Variants in SPACA9 observed in about 807,000 individuals in gnomAD.
SPACA9 encodes sperm acrosome-associated protein 9.
SPACA9 carries 14 observed loss-of-function variants against 12.5 expected under a neutral mutation model. The ratio of observed to expected loss-of-function variants is 1.12; its 90% CI spans 0.74 to 1.75. The LOEUF is 1.75. Ranked by LOEUF, SPACA9 falls within the 40% of genes most tolerant of loss-of-function variation. The probability of loss-of-function intolerance (pLI) is 0.00; values close to 1 mark genes in which losing one functional copy is unlikely to be tolerated. For synonymous variants in SPACA9, 111 were observed against 114.1 expected (o/e 0.97, Z 0.17); for missense variants, 292 against 291.9 (o/e 1.00, Z 0.00).
In SPACA9 at chr9:132,886,681, G is replaced by A. The variant is rs576147938; in HGVS notation, c.145-688G>A. Among the ~76,000 whole-genome samples, 4 of 152,296 alleles carry A rather than the reference G, an allele frequency of 2.6e-5. No homozygotes were observed. The South Asian group carries it at 8.3e-4, about 32-fold the overall frequency. ...ATCTGTAAAATGGGAATTTAAAAAG[G>A]TACCTGCTCAGTGTGTAGGGTTTAG... On this transcript the variant is annotated intron_variant, in intron 2 of 3. Transcript: ENST00000356311.
chr9:132,888,420 C>T lies in SPACA9; in HGVS notation c.478C>T (p.Arg160Cys), dbSNP rs774170349. Residue 160 changes from arginine (R) to cysteine (C), a missense_variant, in exon 4 of 4, where the codon CGC (arginine) becomes TGC (cysteine). By Grantham distance (180) the Arg-to-Cys change is radical. Transcript: ENST00000356311. The surrounding 1 kb of genome is among the most constrained non-coding windows in gnomAD (Gnocchi z 5.0). ...GATCGCCCACTCCGAGAAGTTGCCGCGCAAGGTGCTGCAGCACGTGAGTGA... is the reference window on the plus strand; with the variant it reads ...GATCGCCCACTCCGAGAAGTTGCCGTGCAAGGTGCTGCAGCACGTGAGTGA... Reference protein sequence around the residue: ...EWIAHSEKLPRKVLQHVSEPQ... With the variant: ...EWIAHSEKLPCKVLQHVSEPQ... The T allele has an allele frequency of 2.7e-5, 44 of 1,613,772 alleles. No homozygotes were observed. Among genetic ancestry groups the T allele is most frequent in the South Asian group, 2.3e-4 (21 of 91,082 alleles).
downstream of SPACA9, chr9:132,890,240 G>C (rs1844715046): frequency 1.0e-5 from 3 of 299,246 alleles, no homozygotes; most frequent in South Asian, 4.5e-4. Flanking sequence ...TCCAAGGATG[G>C]GAAGTCTAGT....
chr9:132,889,203 T>G lies in SPACA9; in HGVS notation c.*592T>G. 2 of 986,420 alleles carry G rather than the reference T, an allele frequency of 2.0e-6. No homozygotes were observed. The highest frequency in any genetic ancestry group is 2.4e-6 in the Non-Finnish European group (2 of 830,674). The allele number at this position is 986,420 out of a possible 1,614,324, so 61.1% of individuals were successfully genotyped here. On this transcript the variant is annotated 3_prime_UTR_variant, in exon 4 of 4. Transcript: ENST00000356311. ...CCCAGGAGGGCACTGAACTGTCACC[T>G]AGGTCCTCTTTGAGCCACATCCGGC... is the stretch of plus-strand genomic sequence containing the variant.
intron 1 of SPACA9, among the ~76,000 whole-genome samples, chr9:132,882,315 G>T (rs950555362): frequency 6.6e-6 from 1 of 152,264 alleles, no homozygotes; most frequent in East Asian, 1.9e-4. Context: ...TTGCTAAAGG[G>T]CCTCTTCCCC....
At chr9:132,890,042 C>G (rs1472241959), downstream of SPACA9, 7 of 1,387,984 alleles carry the variant, frequency 5.0e-6, no homozygotes, top group Non-Finnish European at 6.6e-6. Flanking sequence ...CTCTGCCTGA[C>G]TTGGTTTCCT....
rs781537751 is a variant in SPACA9, at chr9:132,887,592, T to C, written c.347+21T>C. ...GCAAAGTAAGTCCCTCTGATGCTGC[T>C]CTTGAGGCCCCGTGTGTGCCTGTGG... On this transcript the variant is annotated intron_variant, in intron 3 of 3. Transcript: ENST00000356311. The surrounding 1 kb of genome is among the most constrained non-coding windows in gnomAD (Gnocchi z 5.4). 6 of 1,603,596 alleles carry C rather than the reference T, an allele frequency of 3.7e-6. No homozygotes were observed. The highest frequency in any genetic ancestry group is 5.1e-6 in the Non-Finnish European group (6 of 1,171,246).
Position 132,887,617 on chromosome 9 carries a change from G to A in SPACA9, c.347+46G>A. The A allele has an allele frequency of 6.5e-7, 1 of 1,533,100 alleles. No individual in the cohort carries two copies. The highest frequency in any genetic ancestry group is 9.0e-7 in the Non-Finnish European group (1 of 1,109,014). The allele number at this position is 1,533,100 out of a possible 1,614,324, so 95.0% of individuals were successfully genotyped here. A position where few individuals can be genotyped will look rare whatever the true frequency, so the allele number is the denominator to read the frequency against. On this transcript the variant is annotated intron_variant, in intron 3 of 3. Transcript: ENST00000356311. This position sits in a 1 kb window ranked among gnomAD's most constrained non-coding sequence, Gnocchi z 5.4. ...TCTTGAGGCCCCGTGTGTGCCTGTGGGGAGGCCTCTGTCCTGCTTCTTTCC... is the reference window on the plus strand; with the variant it reads ...TCTTGAGGCCCCGTGTGTGCCTGTGAGGAGGCCTCTGTCCTGCTTCTTTCC...
intron 1 of SPACA9, among the ~76,000 whole-genome samples, chr9:132,881,688 G>T (rs1452222623): frequency 4.0e-5 from 6 of 150,732 alleles, no homozygotes; most frequent in Non-Finnish European, 5.9e-5. Flanking sequence ...TTGAGACAGG[G>T]TCTCACTGTG....
rs1360987287 is a variant in SPACA9 at position 132,883,993 on chromosome 9, A to G, written c.46A>G (p.Lys16Glu). 1 of 1,614,210 alleles carries G rather than the reference A, an allele frequency of 6.2e-7. No individual in the cohort carries two copies. Among genetic ancestry groups the G allele is most frequent in the East Asian group, 2.2e-5 (1 of 44,878 alleles). ...ESLRSIEQKY[K>E]LFQQQQLTFT... ...CCTTCGCAGCATCGAGCAGAAGTACAAGCTCTTCCAGCAGCAGCAGCTCAC... is the reference window on the plus strand; with the variant it reads ...CCTTCGCAGCATCGAGCAGAAGTACGAGCTCTTCCAGCAGCAGCAGCTCAC... The change falls in exon 2 of 4, where the codon AAG becomes GAG. Residue 16 changes from lysine (K) to glutamate (E), a missense_variant. Physicochemically the swap from Lys to Glu is moderately conservative, Grantham distance 56. Coordinates refer to ENST00000356311, the MANE Select transcript of SPACA9 (RefSeq NM_001316897.2).
At chr9:132,886,517 G>A (rs914884104) in intron 2 of SPACA9, among the ~76,000 whole-genome samples, 5 of 152,208 alleles carry the variant, frequency 3.3e-5, no homozygotes, top group Non-Finnish European at 4.4e-5. Flanking sequence ...TGCTTTAGGC[G>A]GTGGTTGGTT....
chr9:132,888,471 A>T lies in SPACA9; in HGVS notation c.529A>T (p.Arg177Trp), dbSNP rs2131496876. The change falls in exon 4 of 4, where the codon AGG becomes TGG. Residue 177 changes from arginine to tryptophan, a missense_variant. By Grantham distance (101) the Arg-to-Trp change is moderately radical. Transcript: ENST00000356311. The surrounding 1 kb of genome is among the most constrained non-coding windows in gnomAD (Gnocchi z 5.0). ...GCCCCAGGCGCACCAGGAGAGCACCAGGGGAGCCGCTCGTCCTGCCCAGGC... is the reference window on the plus strand; with the variant it reads ...GCCCCAGGCGCACCAGGAGAGCACCTGGGGAGCCGCTCGTCCTGCCCAGGC... Reference protein sequence around the residue: ...SEPQAHQESTRGAARPAQAIG... With the variant: ...SEPQAHQESTWGAARPAQAIG... 6.2e-7 allele frequency: 1 copy of T among 1,610,888 alleles called. No individual in the cohort carries two copies. The highest frequency in any genetic ancestry group is 8.5e-7 in the Non-Finnish European group (1 of 1,178,940).
chr9:132,885,746 C>A (rs1006553234), intron 2 of SPACA9, among the ~76,000 whole-genome samples: 3 of 152,190 alleles, frequency 2.0e-5, no homozygotes, highest in African/African-American at 7.2e-5. Context: ...CTTCAAAAGT[C>A]AACAAGTGTC....
chr9:132,885,697 A>G (rs184351851), intron 2 of SPACA9, among the ~76,000 whole-genome samples: 1 of 152,288 alleles, frequency 6.6e-6, no homozygotes, highest in Non-Finnish European at 1.5e-5. Context: ...AAAAAAGAAA[A>G]GAAACTGCCT....
chr9:132,887,036 T>C lies in SPACA9; in HGVS notation c.145-333T>C, dbSNP rs1306062754. ...CATGTTGACCAGGCTGGTCTCGAAC[T>C]CCTGACCTCAAGTGATCCCCGCCCA... On this transcript the variant is annotated intron_variant, in intron 2 of 3. Coordinates refer to ENST00000356311, the MANE Select transcript of SPACA9 (RefSeq NM_001316897.2). This position sits in a 1 kb window ranked among gnomAD's most constrained non-coding sequence, Gnocchi z 5.4. Among the ~76,000 whole-genome samples the C allele has an allele frequency of 2.0e-5, 3 of 152,002 alleles. No homozygotes were observed. The highest frequency in any genetic ancestry group is 6.5e-5 in the Admixed American group (1 of 15,278).
chr9:132,885,296 C>CT (rs988504111), intron 2 of SPACA9, among the ~76,000 whole-genome samples: 1 of 151,796 alleles, frequency 6.6e-6, no homozygotes, highest in African/African-American at 2.4e-5. Flanking sequence ...AGTGGATCAC[C>CT]TGAGGCCAGG....
At chr9:132,883,381 C>T (rs1231020647) in intron 1 of SPACA9, among the ~76,000 whole-genome samples, 1 of 152,224 alleles carries the variant, frequency 6.6e-6, no homozygotes, top group African/African-American at 2.4e-5. Flanking sequence ...CAGACTTTCC[C>T]ACCAGTTGCA....
At position 132,889,771 on chromosome 9, in the gene SPACA9, C is replaced by T. The variant is rs1196253902; in HGVS notation, c.*1160C>T. 8 of 1,295,026 alleles carry T rather than the reference C, an allele frequency of 6.2e-6. No individual in the cohort carries two copies. The highest frequency in any genetic ancestry group is 7.9e-6 in the Non-Finnish European group (8 of 1,008,804). The allele number at this position is 1,295,026 out of a possible 1,614,324, so 80.2% of individuals were successfully genotyped here. On this transcript the variant is annotated 3_prime_UTR_variant, in exon 4 of 4. Coordinates refer to ENST00000356311, the MANE Select transcript of SPACA9 (RefSeq NM_001316897.2). The stretch of plus-strand genomic sequence containing the variant: ...CACAGCCAAAGGGGAATAAACTCAC[C>T]TTTCCTTCGCCTTTACTTGGGAGAG...
Position 132,887,705 on chromosome 9 carries a change from A to G in SPACA9, c.347+134A>G. The G allele has an allele frequency of 2.9e-6, 2 of 696,396 alleles. No individual in the cohort carries two copies. The highest frequency in any genetic ancestry group is 3.5e-5 in the South Asian group (2 of 57,250). 43.1% of individuals were successfully genotyped at this position (696,396 alleles called of 1,614,324 possible). On this transcript the variant is annotated intron_variant, in intron 3 of 3. Transcript: ENST00000356311. This position sits in a 1 kb window ranked among gnomAD's most constrained non-coding sequence, Gnocchi z 5.4. ...GGGCAGGAAATCCCAGTCTCCACTC[A>G]TTTATTGGAATGACTCGGATTCAAC...
rs566605865 is a variant in SPACA9, at chr9:132,888,957, C to T, written c.*346C>T. ...TAATTTTTTGTATTTTTAGTAGAGA[C>T]AGCGTTTCACCATGTTAGCCAGGAT... On this transcript the variant is annotated 3_prime_UTR_variant, in exon 4 of 4. Transcript: ENST00000356311. This position sits in a 1 kb window ranked among gnomAD's most constrained non-coding sequence, Gnocchi z 5.0. 52 of 629,406 alleles carry T rather than the reference C, an allele frequency of 8.3e-5. No individual in the cohort carries two copies. In the Admixed American group the frequency reaches 2.5e-3, roughly 30 times the overall value. The allele number at this position is 629,406 out of a possible 1,614,324, so 39.0% of individuals were successfully genotyped here.
Sources: allele counts gnomAD v4.1 joint callset (sites outside exome capture counted in the v4.1 genomes callset), GRCh38; gene constraint gnomAD v4.1.1; non-coding constraint Gnocchi (gnomAD v3.1); transcripts MANE v1.5; gene names NCBI Gene and HGNC (gene_info 2026-07-23, HGNC 2026-07-21).